SYT1: variants seen among roughly 807,000 people sequenced by gnomAD.
SYT1 encodes the protein synaptotagmin-1.
A neutral mutation model predicts 44.8 loss-of-function variants in SYT1; 8 were observed. The observed-to-expected ratio is 0.18, with a 90% confidence interval of 0.10 to 0.32. The LOEUF is 0.32. Ranked by LOEUF, SYT1 falls within the 10% of genes least tolerant of loss-of-function variation. The pLI, the probability that SYT1 is intolerant of heterozygous loss-of-function variation, is 1.00. For synonymous variants in SYT1, 154 were observed against 188.8 expected, an observed-to-expected ratio of 0.82 and a Z score of 1.51; for missense variants, 286 against 509.3, an observed-to-expected ratio of 0.56 and a Z score of 4.22.
In SYT1 at chr12:79,010,032, T is replaced by C. The variant is rs371826355; in HGVS notation, c.-84+32101T>C. On this transcript the variant is annotated intron_variant, in intron 2 of 10. Transcript: ENST00000261205. Reference sequence around the variant, plus strand: ...TGAATGGAATACTGCTATGTGAGTCTGAGGTTTGTACTGGAGGTTTTATGG... The same window carrying C: ...TGAATGGAATACTGCTATGTGAGTCCGAGGTTTGTACTGGAGGTTTTATGG... 1.1e-4 allele frequency among the ~76,000 whole-genome samples: 16 copies of C among 152,302 alleles called. 1 individual carries two copies. Among genetic ancestry groups the C allele is most frequent in the East Asian group, 5.8e-4 (3 of 5,182 alleles).
intron 3 of SYT1, among the ~76,000 whole-genome samples, chr12:79,120,988 T>TAC (rs151069295): frequency 0.11 from 16,526 of 150,968 alleles, 959 homozygotes; most frequent in African/African-American, 0.12. Context: ...TATATATATA[T>TAC]ACACACACAC....
At chr12:79,365,834 G>GAAAAAAAAAAAAAAAAA (rs57702061) in intron 9 of SYT1, among the ~76,000 whole-genome samples, 1 of 104,130 alleles carries the variant, frequency 9.6e-6, no homozygotes, top group Non-Finnish European at 2.0e-5. Flanking sequence ...AAGAGTACCA[G>GAAAAAAAAAAAAAAAAA]AAAAAAAAAA....
intron 9 of SYT1, among the ~76,000 whole-genome samples, chr12:79,384,887 C>G (rs1884370766): frequency 6.6e-6 from 1 of 152,022 alleles, no homozygotes; most frequent in East Asian, 1.9e-4. Flanking sequence ...GTGTTTAATA[C>G]CCAAATCTTT....
intron 3 of SYT1, among the ~76,000 whole-genome samples, chr12:79,089,802 C>T (rs901899150): frequency 6.6e-6 from 1 of 152,078 alleles, no homozygotes; most frequent in African/African-American, 2.4e-5. Context: ...AACTCCAAAT[C>T]AAATTGAACC....
At chr12:79,264,279 A>G (rs1878001669) in intron 4 of SYT1, among the ~76,000 whole-genome samples, 2 of 151,442 alleles carry the variant, frequency 1.3e-5, no homozygotes, top group South Asian at 4.2e-4. Flanking sequence ...TCTCAGGTTC[A>G]TGCCATTCTC....
At chr12:79,412,510 A>G (rs909501390) in intron 9 of SYT1, among the ~76,000 whole-genome samples, 3 of 152,108 alleles carry the variant, frequency 2.0e-5, no homozygotes, top group Non-Finnish European at 2.9e-5. Context: ...TTAGAGAGTC[A>G]GTTAATAATT....
chr12:79,098,283 A>G (rs1042795172), intron 3 of SYT1, among the ~76,000 whole-genome samples: 3 of 152,026 alleles, frequency 2.0e-5, no homozygotes, highest in African/African-American at 7.2e-5. Flanking sequence ...AGCTGGGGAG[A>G]AAGTGGCCCC....
At chr12:78,889,150 G>C (rs375461647) in intron 1 of SYT1, among the ~76,000 whole-genome samples, 2 of 151,620 alleles carry the variant, frequency 1.3e-5, no homozygotes, top group East Asian at 3.9e-4. Context: ...TTCCTGCTTT[G>C]TCTGGGAATG....
At chr12:78,907,343 T>A (rs1876048606) in intron 1 of SYT1, among the ~76,000 whole-genome samples, 1 of 151,992 alleles carries the variant, frequency 6.6e-6, no homozygotes, top group Admixed American at 6.6e-5. Context: ...CATAATTACC[T>A]ATACAATATG....
At chr12:78,951,606 C>T (rs1878973019) in intron 1 of SYT1, among the ~76,000 whole-genome samples, 1 of 152,014 alleles carries the variant, frequency 6.6e-6, no homozygotes, top group Non-Finnish European at 1.5e-5. Flanking sequence ...AGAAATGTAC[C>T]ATTTAATATG....
At chr12:79,097,465 C>T (rs140139042) in intron 3 of SYT1, among the ~76,000 whole-genome samples, 17 of 152,088 alleles carry the variant, frequency 1.1e-4, no homozygotes, top group Middle Eastern at 3.4e-3. Flanking sequence ...TATCATCTAT[C>T]CACAAGAGAT....
chr12:79,235,627 A>C lies in SYT1; in HGVS notation c.166+17942A>C, dbSNP rs989392981. On this transcript the variant is annotated intron_variant, in intron 4 of 10. Coordinates refer to ENST00000261205, the MANE Select transcript of SYT1 (RefSeq NM_005639.3). ...TATAGATATAAATATATATGTAATT[A>C]ATATATAAATATATATAATGATTAT... Among the ~76,000 whole-genome samples, 4 of 148,438 alleles carry C rather than the reference A, an allele frequency of 2.7e-5. No individual in the cohort carries two copies. The South Asian group carries it at 8.4e-4, about 31-fold the overall frequency.
intron 2 of SYT1, among the ~76,000 whole-genome samples, chr12:79,026,503 A>C (rs1319270865): frequency 6.6e-6 from 1 of 150,888 alleles, no homozygotes; most frequent in Non-Finnish European, 1.5e-5. Flanking sequence ...AACAAATAAA[A>C]CACTATGCTT....
At chr12:79,191,103 A>ATG (rs1873095187) in intron 3 of SYT1, among the ~76,000 whole-genome samples, 1 of 150,988 alleles carries the variant, frequency 6.6e-6, no homozygotes, top group African/African-American at 2.4e-5. Flanking sequence ...AAATATAAAT[A>ATG]TATATATATG....
intron 3 of SYT1, among the ~76,000 whole-genome samples, chr12:79,153,706 T>A (rs1016970201): frequency 3.9e-5 from 6 of 152,142 alleles, no homozygotes; most frequent in African/African-American, 1.4e-4. Flanking sequence ...ATAAAAATCA[T>A]TCAATTGTCA....
rs1341669017 is a variant in SYT1 at position 79,416,838 on chromosome 12, G to A, written c.929-27235G>A. On this transcript the variant is annotated intron_variant, in intron 9 of 10. Transcript: ENST00000261205. ...TTGATAAAGAAAGAAGATATAAAAG[G>A]TACAATATACTCTTAAAAATGATTG... 3.3e-5 allele frequency among the ~76,000 whole-genome samples: 5 copies of A among 151,988 alleles called. No homozygotes were observed. The East Asian group carries it at 9.6e-4, about 29-fold the overall frequency.
At chr12:79,046,749 A>T (rs1334850565) in intron 2 of SYT1, among the ~76,000 whole-genome samples, 1 of 151,990 alleles carries the variant, frequency 6.6e-6, no homozygotes, top group Non-Finnish European at 1.5e-5. Flanking sequence ...ATGTATGTTT[A>T]TCCTATGTAC....
intron 8 of SYT1, among the ~76,000 whole-genome samples, chr12:79,336,387 AAT>A (rs1882090445): frequency 6.6e-6 from 1 of 152,150 alleles, no homozygotes; most frequent in Non-Finnish European, 1.5e-5. Context: ...TGGAAGATAA[AAT>A]AGACAAATTG....
rs181025574 is a variant in SYT1 at position 79,128,138 on chromosome 12, A to C, written c.-18+80776A>C. 8.5e-4 allele frequency among the ~76,000 whole-genome samples: 130 copies of C among 152,298 alleles called. No individual in the cohort carries two copies. The South Asian group carries it at 8.9e-3, about 10-fold the overall frequency. On this transcript the variant is annotated intron_variant, in intron 3 of 10. Coordinates refer to ENST00000261205, the MANE Select transcript of SYT1 (RefSeq NM_005639.3). ...CTGGGCAGAGTGGCTCACACCTATA[A>C]TCCCAGAACTTTGGGAGGCCAAGAC...
Sources: gnomAD v4.1 joint callset for allele counts (sites outside exome capture counted in the v4.1 genomes callset) on GRCh38, gnomAD v4.1.1 for gene constraint, MANE v1.5 for transcripts, NCBI Gene and HGNC (gene_info 2026-07-23, HGNC 2026-07-21) for gene names.